PRKG1: variants seen among roughly 807,000 people sequenced by gnomAD.
PRKG1 encodes protein kinase cGMP-dependent 1.
Under a neutral mutation model 88.1 loss-of-function variants are expected in PRKG1, and 35 were observed. The observed-to-expected ratio is 0.40, with a 90% confidence interval of 0.30 to 0.53. PRKG1 has a LOEUF of 0.53. Ranked by LOEUF, PRKG1 falls within the 20% of genes least tolerant of loss-of-function variation. The pLI is 0.59. For synonymous variants in PRKG1, 303 were observed against 292.5 expected (o/e 1.04, Z -0.37); for missense variants, 540 against 839.8 (o/e 0.64, Z 4.41).
intron 1 of PRKG1, among the ~76,000 whole-genome samples, chr10:51,048,170 G>A (rs1225892501): frequency 6.6e-6 from 1 of 151,956 alleles, no homozygotes; most frequent in African/African-American, 2.4e-5. Flanking sequence ...TTTTGGACTA[G>A]AACACTAACA....
intron 3 of PRKG1, among the ~76,000 whole-genome samples, chr10:51,642,705 C>A (rs7911078): frequency 0.85 from 129,927 of 152,168 alleles, 56,547 homozygotes; most frequent in Middle Eastern, 0.95. Flanking sequence ...AGGAAGGGAC[C>A]CAACTGTTTA....
chr10:51,595,798 C>G (rs1192399263), intron 3 of PRKG1, among the ~76,000 whole-genome samples: 1 of 152,016 alleles, frequency 6.6e-6, no homozygotes, highest in East Asian at 1.9e-4. Flanking sequence ...CATGGTAATA[C>G]ATACTTTTAC....
At position 51,995,509 on chromosome 10, in the gene PRKG1, C is replaced by T. The variant is rs928760693; in HGVS notation, c.763-58975C>T. The stretch of plus-strand genomic sequence containing the variant: ...CGTTAAATAGCGTTAAATGTTTTTA[C>T]CATTCATATGGATACTTAAATTATA... On this transcript the variant is annotated intron_variant, in intron 5 of 17. Transcript: ENST00000373980. 2.0e-5 allele frequency among the ~76,000 whole-genome samples: 3 copies of T among 152,130 alleles called. No homozygotes were observed. In the South Asian group the frequency reaches 6.2e-4, roughly 32 times the overall value.
chr10:51,931,046 T>C (rs1056356213), intron 5 of PRKG1, among the ~76,000 whole-genome samples: 1 of 152,168 alleles, frequency 6.6e-6, no homozygotes, highest in African/African-American at 2.4e-5. Flanking sequence ...TGTGTTTCTC[T>C]ACTCCTCTGT....
At chr10:51,761,292 C>A (rs1382139021) in intron 3 of PRKG1, among the ~76,000 whole-genome samples, 2 of 152,228 alleles carry the variant, frequency 1.3e-5, no homozygotes, top group Non-Finnish European at 2.9e-5. Flanking sequence ...CTTTAGCTTT[C>A]AATCAGCTTT....
At chr10:51,772,647 G>C (rs1838334728) in intron 3 of PRKG1, among the ~76,000 whole-genome samples, 1 of 151,770 alleles carries the variant, frequency 6.6e-6, no homozygotes, top group South Asian at 2.1e-4. Flanking sequence ...GGTTTGCAGA[G>C]AATCTGTATT....
intron 4 of PRKG1, among the ~76,000 whole-genome samples, chr10:51,807,226 A>G (rs1242694048): frequency 1.3e-5 from 2 of 152,236 alleles, no homozygotes; most frequent in Non-Finnish European, 2.9e-5. Context: ...CACTCATTGA[A>G]GAATGAAAAT....
At chr10:51,157,790 C>T (rs899704205) in intron 2 of PRKG1, among the ~76,000 whole-genome samples, 9 of 151,116 alleles carry the variant, frequency 6.0e-5, no homozygotes, top group Admixed American at 3.3e-4. Flanking sequence ...TAAACTTTTT[C>T]GATGAAATCA....
chr10:51,895,139 G>A (rs56827739), intron 4 of PRKG1, among the ~76,000 whole-genome samples: 3,529 of 152,284 alleles, frequency 0.023, 138 homozygotes, highest in African/African-American at 0.081. Context: ...TGAATGAATG[G>A]AGAGGTGTCG....
intron 3 of PRKG1, among the ~76,000 whole-genome samples, chr10:51,647,150 T>TAAA (rs10719185): frequency 2.2e-4 from 29 of 132,122 alleles, no homozygotes; most frequent in African/African-American, 4.4e-4. Flanking sequence ...GAGATCAAGA[T>TAAA]AAAAAAAAAA....
intron 2 of PRKG1, among the ~76,000 whole-genome samples, chr10:51,310,437 A>C (rs899441466): frequency 1.3e-5 from 2 of 152,186 alleles, no homozygotes; most frequent in African/African-American, 2.4e-5. Flanking sequence ...TTAATGAAGA[A>C]CAAGGTTAAC....
rs182624025 is a variant in PRKG1, at chr10:51,491,472, G to A, written c.592+23636G>A. ...GTAGAGTTATAAAAATAATACCTAC[G>A]GAAGCCACAGAGTCATCAAACCCAT... On this transcript the variant is annotated intron_variant, in intron 3 of 17. Transcript: ENST00000373980. 8.7e-4 allele frequency among the ~76,000 whole-genome samples: 133 copies of A among 152,120 alleles called. No individual in the cohort carries two copies. In the East Asian group the frequency reaches 0.023, roughly 26 times the overall value.
intron 9 of PRKG1, among the ~76,000 whole-genome samples, chr10:52,223,201 AATACATATAAACATAGC>A (rs1280529885): frequency 1.3e-5 from 2 of 152,150 alleles, no homozygotes; most frequent in Admixed American, 6.5e-5. Context: ...AATTTCTTGA[AATACATATAAACATAGC>A]ATTTCCAATT....
intron 9 of PRKG1, among the ~76,000 whole-genome samples, chr10:52,220,029 C>T (rs997460865): frequency 1.3e-5 from 2 of 152,134 alleles, no homozygotes; most frequent in African/African-American, 4.8e-5. Flanking sequence ...AGATCCTTTC[C>T]AATATCCCAT....
chr10:51,142,125 GAGAA>G (rs1845835087), intron 1 of PRKG1, among the ~76,000 whole-genome samples: 1 of 152,066 alleles, frequency 6.6e-6, no homozygotes, highest in South Asian at 2.1e-4. Context: ...GAGAGAAAAG[GAGAA>G]AGAAAGATGT....
At chr10:52,198,838 G>C (rs1839582556) in intron 9 of PRKG1, among the ~76,000 whole-genome samples, 7 of 149,654 alleles carry the variant, frequency 4.7e-5, no homozygotes, top group Admixed American at 3.3e-4. Context: ...GTGTGTGCAT[G>C]TGTGTGTAAG....
intron 9 of PRKG1, among the ~76,000 whole-genome samples, chr10:52,170,899 G>A (rs1054929263): frequency 3.9e-5 from 6 of 152,038 alleles, no homozygotes; most frequent in Non-Finnish European, 5.9e-5. Flanking sequence ...CAGACAGAAC[G>A]GCTGCTGTTG....
chr10:51,501,790 C>CTTTTTTTTTTTT (rs5784871), intron 3 of PRKG1, among the ~76,000 whole-genome samples: 15 of 113,756 alleles, frequency 1.3e-4, no homozygotes, highest in South Asian at 5.9e-4. Flanking sequence ...ACTTTAGTTT[C>CTTTTTTTTTTTT]TTTTTTTTTT....
chr10:51,977,685 T>G (rs921036453), intron 5 of PRKG1, among the ~76,000 whole-genome samples: 1 of 151,994 alleles, frequency 6.6e-6, no homozygotes, highest in Non-Finnish European at 1.5e-5. Flanking sequence ...GATGGTATAT[T>G]ATTGTGGTTT....
Sources: gnomAD v4.1 joint callset for allele counts (sites outside exome capture counted in the v4.1 genomes callset) on GRCh38, gnomAD v4.1.1 for gene constraint, MANE v1.5 for transcripts, NCBI Gene and HGNC (gene_info 2026-07-23, HGNC 2026-07-21) for gene names.